NT5C3A: variants seen among roughly 807,000 people sequenced by gnomAD.
NT5C3A encodes the protein 5'-nucleotidase, cytosolic IIIA, also known as cytosolic 5'-nucleotidase 3A.
Under a neutral mutation model 40.0 loss-of-function variants are expected in NT5C3A, and 23 were observed. That is an observed-to-expected ratio of 0.58 (90% confidence interval 0.41 to 0.81). The LOEUF (loss-of-function observed/expected upper bound fraction) is 0.81. NT5C3A is among the 40% of genes least tolerant of loss of function. The pLI, the probability that NT5C3A is intolerant of heterozygous loss-of-function variation, is 0.00. For synonymous variants in NT5C3A, 130 were observed against 141.4 expected, an observed-to-expected ratio of 0.92 and a Z score of 0.57; for missense variants, 328 against 403.0, an observed-to-expected ratio of 0.81 and a Z score of 1.59.
chr7:33,021,505 T>A lies in NT5C3A; in HGVS notation c.355-148A>T, dbSNP rs72555742. ...CATCAATTGAAAAAATATTTGTTGA[T>A]CTTAGTTGACATGTAATCAAATATA... On this transcript the variant is annotated intron_variant, in intron 4 of 8. Transcript: ENST00000610140. 877 of 1,050,398 alleles carry A rather than the reference T, an allele frequency of 8.3e-4. 12 individuals carry two copies. The South Asian group carries it at 8.9e-3, about 11-fold the overall frequency. The allele number at this position is 1,050,398 out of a possible 1,614,324, so 65.1% of individuals were successfully genotyped here. A position where few individuals can be genotyped will look rare whatever the true frequency, so the allele number is the denominator to read the frequency against.
At chr7:33,025,590 CTAT>C (rs762596023) in intron 2 of NT5C3A, among the ~76,000 whole-genome samples, 1 of 152,076 alleles carries the variant, frequency 6.6e-6, no homozygotes, top group African/African-American at 2.4e-5. Flanking sequence ...ATCTGAACTA[CTAT>C]GATTAAAACA....
At chr7:33,028,095 A>G (rs867829317) in intron 1 of NT5C3A, among the ~76,000 whole-genome samples, 3 of 152,184 alleles carry the variant, frequency 2.0e-5, no homozygotes, top group Admixed American at 6.5e-5. Context: ...TCCAAATAAT[A>G]TACTGTTCTT....
At chr7:33,017,622 A>G (rs752722501) in intron 6 of NT5C3A, 21 bp from the exon 7 acceptor site, 5 of 1,595,036 alleles carry the variant, frequency 3.1e-6, no homozygotes, top group Non-Finnish European at 4.3e-6. Flanking sequence ...GAGATAACAA[A>G]CTGGTTATTA....
chr7:33,042,410 T>C (rs4723239), intron 1 of NT5C3A, among the ~76,000 whole-genome samples: 7,456 of 152,264 alleles, frequency 0.049, 309 homozygotes, highest in East Asian at 0.16. Context: ...GTGAAACCTT[T>C]GACACTGCTA....
intron 1 of NT5C3A, among the ~76,000 whole-genome samples, chr7:33,048,204 T>C (rs1404208620): frequency 1.3e-5 from 2 of 151,806 alleles, no homozygotes; most frequent in African/African-American, 4.8e-5. Context: ...GTGTGGTTTT[T>C]TTTTGATGTA....
At chr7:33,042,314 G>C (rs1256246282) in intron 1 of NT5C3A, among the ~76,000 whole-genome samples, 2 of 151,446 alleles carry the variant, frequency 1.3e-5, no homozygotes, top group South Asian at 2.1e-4. Context: ...CAGGCAACAA[G>C]AGCAAAACTG....
Position 33,019,720 on chromosome 7 carries a change from T to C in NT5C3A, c.445A>G (p.Thr149Ala), listed in dbSNP as rs143874512. The change falls in exon 6 of 9, where the codon ACT (threonine) becomes GCT (alanine). Residue 149 changes from threonine (T) to alanine (A), a missense_variant. Around this residue, in one of 3 missense-constraint regions of NT5C3A, gnomAD observed 280 missense variants for 317.2 expected, o/e 0.88. Coordinates refer to ENST00000610140, the MANE Select transcript of NT5C3A (RefSeq NM_001002010.5). ...EKYPYMVEWY[T>A]KSHGLLVQQA... The stretch of plus-strand genomic sequence containing the variant: ...TGAACAAGCAAACCATGTGATTTAG[T>C]ATACCTGGAGTTTATGACCAAAGGA... The C allele has an allele frequency of 2.5e-6, 4 of 1,580,442 alleles. No individual in the cohort carries two copies. Among genetic ancestry groups the C allele is most frequent in the Non-Finnish European group, 2.6e-6 (3 of 1,151,880 alleles).
At chr7:33,054,087 G>A (rs1262505223) in intron 1 of NT5C3A, among the ~76,000 whole-genome samples, 1 of 152,128 alleles carries the variant, frequency 6.6e-6, no homozygotes, top group Admixed American at 6.5e-5. Flanking sequence ...TGGGCATGGT[G>A]GCACATGTCT....
chr7:33,049,078 T>C (rs1787264171), intron 1 of NT5C3A, among the ~76,000 whole-genome samples: 1 of 152,186 alleles, frequency 6.6e-6, no homozygotes, highest in African/African-American at 2.4e-5. Context: ...TCTTTTTCAA[T>C]CTTAATCCAG....
chr7:33,035,189 G>GT (rs35769309), intron 1 of NT5C3A, among the ~76,000 whole-genome samples: 74,385 of 106,462 alleles, frequency 0.7, 26,888 homozygotes, highest in Non-Finnish European at 0.75. Context: ...TAAGGAATGA[G>GT]TTTTTTTTTT....
intron 2 of NT5C3A, among the ~76,000 whole-genome samples, chr7:33,025,251 G>C (rs776595291): frequency 3.5e-4 from 53 of 152,224 alleles, no homozygotes; most frequent in Non-Finnish European, 5.6e-4. Flanking sequence ...TCTCACTAGA[G>C]ATTTTCGACC....
chr7:33,056,473 CAAAAAAAAAAAAAAAAAAAAAAAAA>C lies in NT5C3A; in HGVS notation c.138+6070_138+6094del, dbSNP rs70989927. 4.1e-4 allele frequency among the ~76,000 whole-genome samples: 18 copies of C among 43,722 alleles called. No individual in the cohort carries two copies. In the East Asian group the frequency reaches 4.1e-3, roughly 10 times the overall value. The allele number at this position is 43,722 out of a possible 152,430, so 28.7% of individuals were successfully genotyped here. ...GCAAATAGTGAGACCCCGTCTCTAC[CAAAAAAAAAAAAAAAAAAAAAAAAA>C]AAAAAAAAAAAAAAAAAATTTAACT... On this transcript the variant is annotated intron_variant, in intron 1 of 8. Coordinates refer to ENST00000610140, the MANE Select transcript of NT5C3A (RefSeq NM_001002010.5).
intron 1 of NT5C3A, chr7:33,029,768 T>A: frequency 1.7e-6 from 2 of 1,149,510 alleles, no homozygotes; most frequent in Non-Finnish European, 2.3e-6. Flanking sequence ...GGTCTTGCTG[T>A]GTTTCCCAGG....
chr7:33,054,675 G>T lies in NT5C3A; in HGVS notation c.138+7893C>A, dbSNP rs541780805. On this transcript the variant is annotated intron_variant, in intron 1 of 8. Coordinates refer to ENST00000610140, the MANE Select transcript of NT5C3A (RefSeq NM_001002010.5). The stretch of plus-strand genomic sequence containing the variant: ...TCTACCTTATATACATGGCCTAAAA[G>T]TAATTTTATAAAATATTTTACACAA... 2.0e-5 allele frequency among the ~76,000 whole-genome samples: 3 copies of T among 152,218 alleles called. No individual in the cohort carries two copies. The East Asian group carries it at 5.8e-4, about 29-fold the overall frequency.
intron 1 of NT5C3A, among the ~76,000 whole-genome samples, chr7:33,039,737 A>G (rs191123506): frequency 6.6e-6 from 1 of 152,076 alleles, no homozygotes; most frequent in East Asian, 1.9e-4. Context: ...TGCAAAGTGA[A>G]ACTTTCTCAA....
intron 1 of NT5C3A, among the ~76,000 whole-genome samples, chr7:33,048,888 G>C (rs1200817675): frequency 6.6e-6 from 1 of 152,144 alleles, no homozygotes; most frequent in Non-Finnish European, 1.5e-5. Flanking sequence ...GGCTCAAATG[G>C]AATATTGTTT....
chr7:33,062,082 T>G (rs372526698), intron 1 of NT5C3A, among the ~76,000 whole-genome samples: 1 of 152,136 alleles, frequency 6.6e-6, no homozygotes, highest in East Asian at 1.9e-4. Flanking sequence ...TTGCACATTT[T>G]CATAATCTAA....
At position 33,014,820 on chromosome 7, in the gene NT5C3A, A is replaced by G; in HGVS notation, c.906T>C (p.Leu302=). ...IGYLNDRVDE[L]LEKYMDSYDI... ...CATAAGAGTCCATGTACTTTTCTAAAAGCTCATCCACCTAATCAAGAGATG... is the reference window on the plus strand; with the variant it reads ...CATAAGAGTCCATGTACTTTTCTAAGAGCTCATCCACCTAATCAAGAGATG... Residue 302 remains leucine, a synonymous_variant, in exon 9 of 9, where the codon CTT becomes CTC. Coordinates refer to ENST00000610140, the MANE Select transcript of NT5C3A (RefSeq NM_001002010.5). The G allele has an allele frequency of 6.2e-7, 1 of 1,612,138 alleles. No individual in the cohort carries two copies. The highest frequency in any genetic ancestry group is 8.5e-7 in the Non-Finnish European group (1 of 1,179,386).
At chr7:33,052,679 T>C (rs1019227202) in intron 1 of NT5C3A, among the ~76,000 whole-genome samples, 2 of 152,172 alleles carry the variant, frequency 1.3e-5, no homozygotes, top group African/African-American at 2.4e-5. Context: ...ACCGATTCTA[T>C]TATTTGTGAG....
Sources: gnomAD v4.1 joint callset for allele counts (sites outside exome capture counted in the v4.1 genomes callset) on GRCh38, gnomAD v4.1.1 for gene constraint, gnomAD v4.1.1 regional missense constraint, MANE v1.5 for transcripts, NCBI Gene and HGNC (gene_info 2026-07-23, HGNC 2026-07-21) for gene names.